GALNT13: variants seen among roughly 807,000 people sequenced by gnomAD.
The protein encoded by GALNT13 is polypeptide N-acetylgalactosaminyltransferase 13, also known as UDP-GalNAc:polypeptide N-acetylgalactosaminyltransferase 13.
In GALNT13, 28 loss-of-function variants were observed where a neutral mutation model predicts 64.2. The ratio of observed to expected loss-of-function variants is 0.44; its 90% CI spans 0.32 to 0.60. The LOEUF (loss-of-function observed/expected upper bound fraction) is 0.60, where lower values mean the gene tolerates loss of function less well. Ranked by LOEUF, GALNT13 falls within the 20% of genes least tolerant of loss-of-function variation. The pLI is 0.05. For missense variants in GALNT13, 577 were observed against 669.8 expected (o/e 0.86, Z 1.53); for synonymous variants, 214 against 224.6 (o/e 0.95, Z 0.42).
At chr2:154,250,474 C>T (rs913456109) in intron 7 of GALNT13, among the ~76,000 whole-genome samples, 1 of 151,870 alleles carries the variant, frequency 6.6e-6, no homozygotes, top group Non-Finnish European at 1.5e-5. Context: ...AGTTTGTTTG[C>T]ACTTCAATTT....
At chr2:154,446,362 C>A in intron 12 of GALNT13, 2 of 366,524 alleles carry the variant, frequency 5.5e-6, no homozygotes, top group African/African-American at 2.1e-5. Flanking sequence ...TCCATATTCT[C>A]AGTCTTATCT....
intron 11 of GALNT13, among the ~76,000 whole-genome samples, chr2:154,409,652 T>G (rs1699706763): frequency 6.6e-6 from 1 of 151,930 alleles, no homozygotes; most frequent in Non-Finnish European, 1.5e-5. Flanking sequence ...GCTGTGAGTC[T>G]TCAGGACAGA....
chr2:154,350,738 C>T (rs556124102), intron 9 of GALNT13, among the ~76,000 whole-genome samples: 5 of 152,084 alleles, frequency 3.3e-5, no homozygotes, highest in East Asian at 3.9e-4. Flanking sequence ...TAATGTGTGG[C>T]GGGGGAAGGT....
the GALNT13 span, among the ~76,000 whole-genome samples, chr2:153,524,114 G>C: frequency 6.6e-6 from 1 of 151,966 alleles, no homozygotes; most frequent in Non-Finnish European, 1.5e-5. Flanking sequence ...ACATTACTTA[G>C]TTTTTCAAAT....
the GALNT13 span, among the ~76,000 whole-genome samples, chr2:153,287,591 T>C: frequency 1.3e-5 from 2 of 152,156 alleles, no homozygotes; most frequent in Non-Finnish European, 2.9e-5. Flanking sequence ...ATTCAGCTGC[T>C]GGCGGGGCTC....
the GALNT13 span, among the ~76,000 whole-genome samples, chr2:153,319,069 T>C: frequency 6.6e-6 from 1 of 152,148 alleles, no homozygotes; most frequent in African/African-American, 2.4e-5. Context: ...AAGGTAAATA[T>C]CACAGGCAGG....
chr2:153,128,853 C>T, the GALNT13 span, among the ~76,000 whole-genome samples: 1 of 152,030 alleles, frequency 6.6e-6, no homozygotes, highest in Non-Finnish European at 1.5e-5. Context: ...AGAGCTTGTG[C>T]AAGAAAACTT....
At chr2:153,804,598 A>G in the GALNT13 span, among the ~76,000 whole-genome samples, 1 of 152,200 alleles carries the variant, frequency 6.6e-6, no homozygotes, top group Non-Finnish European at 1.5e-5. Flanking sequence ...GTGACTAATT[A>G]AAAGTGAAAA....
the GALNT13 span, among the ~76,000 whole-genome samples, chr2:153,411,385 A>T: frequency 6.6e-6 from 1 of 152,126 alleles, no homozygotes; most frequent in South Asian, 2.1e-4. Context: ...AGCTCAGGGT[A>T]CTGTGGGACC....
At chr2:153,810,820 G>A in the GALNT13 span, among the ~76,000 whole-genome samples, 1 of 152,110 alleles carries the variant, frequency 6.6e-6, no homozygotes, top group Non-Finnish European at 1.5e-5. Context: ...TTATAAGTAG[G>A]TCCAGGACAC....
At chr2:154,144,545 G>C (rs1462062504) in intron 4 of GALNT13, among the ~76,000 whole-genome samples, 1 of 152,142 alleles carries the variant, frequency 6.6e-6, no homozygotes, top group African/African-American at 2.4e-5. Flanking sequence ...TTGATACTTA[G>C]AAAGTGTCTG....
chr2:153,630,164 T>C, the GALNT13 span, among the ~76,000 whole-genome samples: 1 of 151,792 alleles, frequency 6.6e-6, no homozygotes, highest in Admixed American at 6.6e-5. Flanking sequence ...ACCCAAAGGA[T>C]TATAAGTCAT....
At chr2:153,932,875 G>A (rs1001520991) in intron 2 of GALNT13, among the ~76,000 whole-genome samples, 5 of 151,918 alleles carry the variant, frequency 3.3e-5, no homozygotes, top group African/African-American at 9.7e-5. Flanking sequence ...TGGTCCTCCT[G>A]CGTTGCCTTC....
At chr2:153,645,042 C>T in the GALNT13 span, among the ~76,000 whole-genome samples, 1 of 152,072 alleles carries the variant, frequency 6.6e-6, no homozygotes, top group East Asian at 1.9e-4. Context: ...AAACTATCTG[C>T]ATATGGCAAG....
intron 11 of GALNT13, among the ~76,000 whole-genome samples, chr2:154,414,857 T>G (rs1699941622): frequency 6.6e-6 from 1 of 151,998 alleles, no homozygotes; most frequent in Admixed American, 6.6e-5. Context: ...ACTTTCTCTT[T>G]TTTGTGTAGA....
the GALNT13 span, among the ~76,000 whole-genome samples, chr2:153,367,546 G>C: frequency 2.0e-5 from 3 of 152,056 alleles, no homozygotes; most frequent in Admixed American, 2.0e-4. Flanking sequence ...CAAAGGAGTT[G>C]TTACAATAAA....
intron 8 of GALNT13, among the ~76,000 whole-genome samples, chr2:154,268,548 A>G (rs1248541670): frequency 6.6e-6 from 1 of 152,168 alleles, no homozygotes; most frequent in Non-Finnish European, 1.5e-5. Flanking sequence ...ATTGAGTGGT[A>G]CAATTTAAAT....
chr2:153,317,758 G>A, the GALNT13 span, among the ~76,000 whole-genome samples: 1 of 151,890 alleles, frequency 6.6e-6, no homozygotes, highest in Admixed American at 6.6e-5. Context: ...CAAAAATATT[G>A]TATTAATAGT....
intron 4 of GALNT13, among the ~76,000 whole-genome samples, chr2:154,181,706 T>C (rs1249269942): frequency 6.6e-6 from 1 of 152,092 alleles, no homozygotes; most frequent in Non-Finnish European, 1.5e-5. Flanking sequence ...TAATCCTGGA[T>C]GACTGCAGGT....
Sources: allele counts gnomAD v4.1 joint callset (sites outside exome capture counted in the v4.1 genomes callset), GRCh38; gene constraint gnomAD v4.1.1; transcripts MANE v1.5; gene names NCBI Gene and HGNC (gene_info 2026-07-23, HGNC 2026-07-21).